RHOBTB1: variants seen among roughly 807,000 people sequenced by gnomAD.
RHOBTB1 encodes the protein rho-related BTB domain-containing protein 1.
In RHOBTB1, 40 loss-of-function variants were observed where a neutral mutation model predicts 71.6. The observed-to-expected ratio is 0.56, with a 90% CI of 0.43 to 0.73. The LOEUF is 0.73. Ranked by LOEUF, RHOBTB1 falls within the 30% of genes least tolerant of loss-of-function variation. The pLI, the probability that RHOBTB1 is intolerant of heterozygous loss-of-function variation, is 0.00. For missense variants in RHOBTB1, 797 were observed against 894.0 expected (o/e 0.89, Z 1.38); for synonymous variants, 319 against 334.9 (o/e 0.95, Z 0.52).
chr10:60,872,225 T>A lies in RHOBTB1; in HGVS notation c.1881A>T (p.Val627=). The change falls in exon 10 of 11, where the codon GTA becomes GTT. Residue 627 remains valine (V), a synonymous_variant. Transcript: ENST00000337910. ...LHHICTNYNS[V]CSKFRKEIKS... ...TGATTTCCTTACGGAACTTGGAGCATACACTGTTGTAGTTGGTGCAGATGT... is the reference window on the plus strand; with the variant it reads ...TGATTTCCTTACGGAACTTGGAGCAAACACTGTTGTAGTTGGTGCAGATGT... 6.2e-7 allele frequency: 1 copy of A among 1,614,102 alleles called. No homozygotes were observed. Among genetic ancestry groups the A allele is most frequent in the Non-Finnish European group, 8.5e-7 (1 of 1,179,986 alleles).
At chr10:60,899,190 C>T (rs1045984603) in intron 4 of RHOBTB1, among the ~76,000 whole-genome samples, 108 of 152,252 alleles carry the variant, frequency 7.1e-4, no homozygotes, top group African/African-American at 1.8e-3. Context: ...TGTGAAATTG[C>T]GTGAAGCACA....
intron 7 of RHOBTB1, among the ~76,000 whole-genome samples, chr10:60,878,949 AC>A (rs1217938449): frequency 1.3e-5 from 2 of 152,224 alleles, no homozygotes; most frequent in Non-Finnish European, 2.9e-5. Context: ...GATTTTTGGA[AC>A]ATTGACAATT....
rs188865261 is a variant in RHOBTB1, at chr10:60,983,062, T to G, written c.-62+2783A>C. Among the ~76,000 whole-genome samples the G allele has an allele frequency of 3.9e-5, 6 of 152,334 alleles. No homozygotes were observed. The East Asian group carries it at 1.2e-3, about 29-fold the overall frequency. On this transcript the variant is annotated intron_variant, in intron 2 of 11. Transcript: ENST00000357917. ...AAATTACAAGTGCTAGATGGTCTAT[T>G]CTCAGTGTTCTTGAATCTGTCTGAT...
intron 2 of RHOBTB1, among the ~76,000 whole-genome samples, chr10:60,923,867 T>A (rs1206613502): frequency 2.0e-5 from 3 of 152,214 alleles, no homozygotes; most frequent in Admixed American, 6.5e-5. Context: ...TTGTGAGGCC[T>A]CCTCAGCCAC....
chr10:60,961,272 C>A (rs1273338523), intron 2 of RHOBTB1, among the ~76,000 whole-genome samples: 1 of 152,080 alleles, frequency 6.6e-6, no homozygotes, highest in Admixed American at 6.6e-5. Context: ...TATGAGATGA[C>A]ACAGTATGCC....
intron 4 of RHOBTB1, among the ~76,000 whole-genome samples, chr10:60,900,791 A>T (rs2082379176): frequency 6.6e-6 from 1 of 152,238 alleles, no homozygotes; most frequent in South Asian, 2.1e-4. Context: ...GAGCCATTAC[A>T]GTTCTTCAGA....
At chr10:60,864,254 G>A in the RHOBTB1 span, among the ~76,000 whole-genome samples, 3 of 152,120 alleles carry the variant, frequency 2.0e-5, no homozygotes, top group Non-Finnish European at 4.4e-5. Context: ...CCCATAAGGC[G>A]CGGTTGTGGG....
At chr10:60,923,854 T>C (rs933704817) in intron 2 of RHOBTB1, among the ~76,000 whole-genome samples, 3 of 152,180 alleles carry the variant, frequency 2.0e-5, no homozygotes, top group Non-Finnish European at 2.9e-5. Flanking sequence ...CCTTCCACCA[T>C]GATTGTGAGG....
At chr10:60,861,019 A>G in the RHOBTB1 span, among the ~76,000 whole-genome samples, 1 of 152,220 alleles carries the variant, frequency 6.6e-6, no homozygotes, top group African/African-American at 2.4e-5. Context: ...TTTTCAGATC[A>G]AGCCTTTGGC....
rs567072494 is a variant in RHOBTB1, at chr10:60,991,414, G to A, written c.-162-5469C>T. Reference sequence around the variant, plus strand: ...ACTCCTCTTCTGCACTCCAGACAGTGTGGCCTTCCCTCAGTACTTTTTTTT... The same window carrying A: ...ACTCCTCTTCTGCACTCCAGACAGTATGGCCTTCCCTCAGTACTTTTTTTT... On this transcript the variant is annotated intron_variant, in intron 1 of 11. Coordinates refer to the RHOBTB1 transcript ENST00000357917. 2.0e-5 allele frequency among the ~76,000 whole-genome samples: 3 copies of A among 149,428 alleles called. No homozygotes were observed. In the South Asian group the frequency reaches 6.4e-4, roughly 32 times the overall value.
At chr10:60,972,233 C>T (rs1044968007) in intron 2 of RHOBTB1, among the ~76,000 whole-genome samples, 2 of 152,126 alleles carry the variant, frequency 1.3e-5, no homozygotes, top group African/African-American at 4.8e-5. Flanking sequence ...TAGACACAAG[C>T]ACATGTATGT....
At chr10:60,921,449 C>G (rs2083556996) in intron 2 of RHOBTB1, among the ~76,000 whole-genome samples, 1 of 152,198 alleles carries the variant, frequency 6.6e-6, no homozygotes, top group African/African-American at 2.4e-5. Flanking sequence ...TGGAAGAAGA[C>G]ACACTGCAAA....
chr10:60,919,641 T>C (rs2083449651), intron 2 of RHOBTB1, among the ~76,000 whole-genome samples: 1 of 152,170 alleles, frequency 6.6e-6, no homozygotes, highest in Non-Finnish European at 1.5e-5. Flanking sequence ...ATGGACTGTT[T>C]TGATTAAAAA....
downstream of RHOBTB1, among the ~76,000 whole-genome samples, chr10:60,867,850 G>C (rs2080644481): frequency 6.6e-6 from 1 of 152,166 alleles, no homozygotes; most frequent in Non-Finnish European, 1.5e-5. Context: ...TCACTTCTAA[G>C]TCTAAACCTT....
At chr10:60,935,730 C>CA (rs1291683998) in intron 2 of RHOBTB1, among the ~76,000 whole-genome samples, 1 of 151,926 alleles carries the variant, frequency 6.6e-6, no homozygotes, top group African/African-American at 2.4e-5. Context: ...TAAATTATAC[C>CA]AAAAACAAAG....
At chr10:60,886,881 T>G (rs2081609623) in intron 6 of RHOBTB1, among the ~76,000 whole-genome samples, 1 of 143,002 alleles carries the variant, frequency 7.0e-6, no homozygotes, top group Non-Finnish European at 1.5e-5. Context: ...TGTATAGACT[T>G]TTTTTTTTTT....
chr10:60,990,380 C>T (rs1425970711), intron 1 of RHOBTB1, among the ~76,000 whole-genome samples: 1 of 152,148 alleles, frequency 6.6e-6, no homozygotes, highest in Non-Finnish European at 1.5e-5. Context: ...CTTGTCTACT[C>T]CCCAAGAATC....
intron 2 of RHOBTB1, among the ~76,000 whole-genome samples, chr10:60,975,427 C>G (rs1481106014): frequency 2.0e-5 from 3 of 152,188 alleles, no homozygotes; most frequent in East Asian, 3.9e-4. Flanking sequence ...TGTACTTGCA[C>G]TATCAAATAA....
At chr10:60,932,153 G>T (rs2133986254) in intron 2 of RHOBTB1, among the ~76,000 whole-genome samples, 1 of 152,254 alleles carries the variant, frequency 6.6e-6, no homozygotes, top group South Asian at 2.1e-4. Context: ...AAATATTGAT[G>T]TACACTCAGT....
Sources: allele counts gnomAD v4.1 joint callset (sites outside exome capture counted in the v4.1 genomes callset), GRCh38; gene constraint gnomAD v4.1.1; transcripts MANE v1.5; gene names NCBI Gene and HGNC (gene_info 2026-07-23, HGNC 2026-07-21).